The following NTRK1 variants were observed in gnomAD, a reference collection of about 807,000 sequenced individuals.
The protein encoded by NTRK1 is high affinity nerve growth factor receptor.
A neutral mutation model predicts 86.8 loss-of-function variants in NTRK1; 62 were observed. The ratio of observed to expected loss-of-function variants is 0.71; its 90% CI spans 0.58 to 0.88. The LOEUF is 0.88. Ranked by LOEUF, NTRK1 falls within the 40% of genes least tolerant of loss-of-function variation. The pLI, the probability that NTRK1 is intolerant of heterozygous loss-of-function variation, is 0.00. For synonymous variants in NTRK1, 469 were observed against 456.6 expected (o/e 1.03, Z -0.35); for missense variants, 967 against 1,078.4 (o/e 0.90, Z 1.45).
At chr1:156,851,751 CTT>C in intron 2 of NTRK1, 1 of 1,613,766 alleles carries the variant, frequency 6.2e-7, no homozygotes, top group South Asian at 1.1e-5. Flanking sequence ...ACCTTGCACT[CTT>C]TAGGGCACAG....
chr1:156,849,343 G>A (rs1265284001), intron 2 of NTRK1: 3 of 1,613,832 alleles, frequency 1.9e-6, no homozygotes, highest in Middle Eastern at 1.6e-4. Flanking sequence ...TGTGTTCCAA[G>A]CAGAGGCGCG....
rs1800879 is a variant in NTRK1 at position 156,868,349 on chromosome 1, T to C, written c.574+100T>C. 0.62 allele frequency: 958,943 copies of C among 1,548,396 alleles called. 301,248 individuals carry two copies. Among genetic ancestry groups the C allele is most frequent in the East Asian group, 0.95 (39,891 of 42,144 alleles). Reference sequence around the variant, plus strand: ...GCAAGCACTGAAAAGGCCTGGGGAATGGGCACTGGCAAAGGCTGGGGGAAA... The same window carrying C: ...GCAAGCACTGAAAAGGCCTGGGGAACGGGCACTGGCAAAGGCTGGGGGAAA... On this transcript the variant is annotated intron_variant, in intron 5 of 16. Coordinates refer to ENST00000524377, the MANE Select transcript of NTRK1 (RefSeq NM_002529.4).
chr1:156,853,615 A>C (rs1571672356), intron 2 of NTRK1: 1 of 899,332 alleles, frequency 1.1e-6, no homozygotes, highest in Non-Finnish European at 1.7e-6. Flanking sequence ...TAGTTTCCTT[A>C]CCTGCCTCAT....
rs144191321 is a variant in NTRK1, at chr1:156,838,888, C to T, written c.-63-3193C>T. On this transcript the variant is annotated intron_variant, in intron 1 of 16. Coordinates refer to the NTRK1 transcript ENST00000392302. ...GTTGACCCCACTGCTGCCCTGCAGG[C>T]GTGTGCAAATGCAGGCATGCCTGTG... 4.5e-3 allele frequency among the ~76,000 whole-genome samples: 683 copies of T among 152,332 alleles called. 2 individuals are homozygous for T. The highest frequency in any genetic ancestry group is 0.016 in the African/African-American group (658 of 41,570).
At chr1:156,846,171 A>G (rs1157282216) in intron 2 of NTRK1, 1 of 1,505,446 alleles carries the variant, frequency 6.6e-7, no homozygotes, top group Non-Finnish European at 8.9e-7. Context: ...CCTCCTGAAT[A>G]CTATCTAGTA....
chr1:156,837,692 G>C (rs762834793), intron 1 of NTRK1: 1 of 152,290 alleles, frequency 6.6e-6, no homozygotes, highest in Non-Finnish European at 1.5e-5. Context: ...ACTGTGGGTT[G>C]GTGGTCACAT....
intron 1 of NTRK1, among the ~76,000 whole-genome samples, chr1:156,820,127 A>T (rs1048300360): frequency 3.3e-5 from 5 of 152,168 alleles, no homozygotes; most frequent in African/African-American, 1.2e-4. Flanking sequence ...TAAGTCTTTA[A>T]TACATCTTGA....
rs201472270 is a variant in NTRK1, at chr1:156,860,950, C to A, written c.16C>A (p.Arg6=). The A allele has an allele frequency of 1.3e-6, 2 of 1,495,228 alleles. No homozygotes were observed. The highest frequency in any genetic ancestry group is 1.3e-5 in the South Asian group (1 of 78,964). The allele number at this position is 1,495,228 out of a possible 1,614,324, so 92.6% of individuals were successfully genotyped here. The stretch of plus-strand genomic sequence containing the variant: ...CGCCGCCGCGATGCTGCGAGGCGGA[C>A]GGCGCGGGCAGCTTGGCTGGCACAG... MLRGG[R]RGQLGWHSWA... The change falls in exon 1 of 17, where the codon CGG becomes AGG. Residue 6 remains arginine (R), a synonymous_variant. Coordinates refer to ENST00000524377, the MANE Select transcript of NTRK1 (RefSeq NM_002529.4).
At chr1:156,816,784 A>T (rs1426227419) in intron 1 of NTRK1, 2 of 1,362,772 alleles carry the variant, frequency 1.5e-6, no homozygotes, top group African/African-American at 1.5e-5. Context: ...TCAGCAACTC[A>T]TCATCTCTCC....
intron 2 of NTRK1, chr1:156,843,471 G>A (rs1296226309): frequency 1.9e-6 from 3 of 1,614,040 alleles, no homozygotes; most frequent in African/African-American, 2.7e-5. Context: ...AGCATACAGG[G>A]TTCTGTTTCT....
chr1:156,834,847 A>G (rs1337515399), intron 1 of NTRK1, among the ~76,000 whole-genome samples: 2 of 152,028 alleles, frequency 1.3e-5, no homozygotes, highest in African/African-American at 4.8e-5. Context: ...TGGGAAAGAA[A>G]GGAGAGTGGG....
intron 1 of NTRK1, among the ~76,000 whole-genome samples, chr1:156,818,530 T>G (rs1197050400): frequency 6.6e-6 from 1 of 152,196 alleles, no homozygotes; most frequent in Non-Finnish European, 1.5e-5. Context: ...CATGCCTTTG[T>G]GTCCTCATAG....
chr1:156,880,077 G>C lies in NTRK1; in HGVS notation c.2125G>C (p.Asp709His), dbSNP rs1162344126. ...GTACCGTAAGTTCACCACCGAGAGC[G>C]ACGTGTGGAGCTTCGGCGTGGTGCT... is the stretch of plus-strand genomic sequence containing the variant. ...ILYRKFTTES[D>H]VWSFGVVLWE... Residue 709 changes from aspartate to histidine, a missense_variant, in exon 16 of 17, where the codon GAC becomes CAC. Transcript: ENST00000524377. 6.2e-7 allele frequency: 1 copy of C among 1,613,664 alleles called. No individual in the cohort carries two copies. The highest frequency in any genetic ancestry group is 1.1e-5 in the South Asian group (1 of 91,064).
Position 156,849,425 on chromosome 1 carries a change from A to G in NTRK1, c.50+7232A>G, listed in dbSNP as rs748331557. ...GGCCACCCAGGACCCTAGCTGTTGT[A>G]GGTTCTGGTTGTCCAGCACGTAGAG... is the stretch of plus-strand genomic sequence containing the variant. On this transcript the variant is annotated intron_variant, in intron 2 of 16. Coordinates refer to the NTRK1 transcript ENST00000392302. 6.9e-6 allele frequency: 10 copies of G among 1,442,842 alleles called. No individual in the cohort carries two copies. In the Admixed American group the frequency reaches 1.9e-4, roughly 27 times the overall value. The allele number at this position is 1,442,842 out of a possible 1,614,324, so 89.4% of individuals were successfully genotyped here. A position where few individuals can be genotyped will look rare whatever the true frequency, so the allele number is the denominator to read the frequency against.
At chr1:156,839,884 C>T (rs1654711240) in intron 1 of NTRK1, among the ~76,000 whole-genome samples, 1 of 152,164 alleles carries the variant, frequency 6.6e-6, no homozygotes, top group Non-Finnish European at 1.5e-5. Flanking sequence ...TGTCCTGCCT[C>T]ACTGCCATGG....
upstream of NTRK1, chr1:156,858,586 G>A: frequency 6.2e-7 from 1 of 1,614,066 alleles, no homozygotes; most frequent in East Asian, 2.2e-5. Context: ...TCACAGGCAG[G>A]CATGCTCCCC....
intron 2 of NTRK1, chr1:156,844,999 A>G: frequency 6.5e-7 from 1 of 1,530,502 alleles, no homozygotes; most frequent in Non-Finnish European, 8.9e-7. Flanking sequence ...GGTTAGCGAG[A>G]AGTCAAACCC....
rs1227938323 is a variant in NTRK1 at position 156,881,821 on chromosome 1, C to T, written c.*179C>T. The T allele has an allele frequency of 1.8e-5, 11 of 596,838 alleles. No homozygotes were observed. The highest frequency in any genetic ancestry group is 6.1e-5 in the East Asian group (2 of 32,522). The allele number at this position is 596,838 out of a possible 1,614,324, so 37.0% of individuals were successfully genotyped here. ...GTTCCTGCTTCTCTAGGCAAGGTCC[C>T]GTCATAGCAATTATATTTATTATCC... On this transcript the variant is annotated 3_prime_UTR_variant, in exon 17 of 17. Transcript: ENST00000524377.
rs1401253291 is a variant in NTRK1, at chr1:156,865,057, TA to T, written c.359+259del. ...GGACACTTCTCATAGGTGCCTGCCC[TA>T]TCTTTCTTCCCAGGGCTCAGATACA... On this transcript the variant is annotated intron_variant, in intron 3 of 16. Coordinates refer to ENST00000524377, the MANE Select transcript of NTRK1 (RefSeq NM_002529.4). 9.1e-6 allele frequency: 5 copies of T among 546,842 alleles called. No individual in the cohort carries two copies. In the Admixed American group the frequency reaches 1.5e-4, roughly 16 times the overall value. 33.9% of individuals were successfully genotyped at this position (546,842 alleles called of 1,614,324 possible).
Sources: gnomAD v4.1 joint callset for allele counts (sites outside exome capture counted in the v4.1 genomes callset) on GRCh38, gnomAD v4.1.1 for gene constraint, MANE v1.5 for transcripts, NCBI Gene and HGNC (gene_info 2026-07-23, HGNC 2026-07-21) for gene names.